BAZ1B: variants seen among roughly 807,000 people sequenced by gnomAD.
BAZ1B encodes tyrosine-protein kinase BAZ1B.
Under a neutral mutation model 153.8 loss-of-function variants are expected in BAZ1B, and 22 were observed. The ratio of observed to expected loss-of-function variants is 0.14; its 90% CI spans 0.10 to 0.20. The LOEUF (loss-of-function observed/expected upper bound fraction) is 0.20. Among genes scored for constraint, BAZ1B ranks in the 10% least tolerant of loss-of-function variants. BAZ1B has a pLI of 1.00. For missense variants in BAZ1B, 1,325 were observed against 1,799.3 expected, an observed-to-expected ratio of 0.74 and a Z score of 4.77; for synonymous variants, 676 against 633.4, an observed-to-expected ratio of 1.07 and a Z score of -1.01.
chr7:73,509,540 T>A (rs1790490640), intron 2 of BAZ1B, among the ~76,000 whole-genome samples: 1 of 151,024 alleles, frequency 6.6e-6, no homozygotes, highest in African/African-American at 2.4e-5. Context: ...GCCAACAGAG[T>A]GAGAACCTGC....
At chr7:73,505,875 G>C (rs528513277) in intron 3 of BAZ1B, among the ~76,000 whole-genome samples, 5 of 152,268 alleles carry the variant, frequency 3.3e-5, no homozygotes, top group African/African-American at 7.2e-5. Flanking sequence ...AGTAGCTTAA[G>C]TATCACACCA....
intron 1 of BAZ1B, among the ~76,000 whole-genome samples, chr7:73,517,395 G>A (rs1045204803): frequency 1.3e-5 from 2 of 152,038 alleles, no homozygotes; most frequent in African/African-American, 4.8e-5. Context: ...TCAGCAGGCT[G>A]AGTGGGAAGA....
In BAZ1B at chr7:73,492,806, T is replaced by C. The variant is rs1038734236; in HGVS notation, c.687A>G (p.Glu229=). The part of the protein sequence containing the change: ...PHKYDVKLQN[E]DKIISNVPAD... ...AAGTAAAGTGTCAACTAACCTTATCTTCATTTTGTAGTTTCACATCATATT... is the reference window on the plus strand; with the variant it reads ...AAGTAAAGTGTCAACTAACCTTATCCTCATTTTGTAGTTTCACATCATATT... Residue 229 remains glutamate, a synonymous_variant, in exon 5 of 20, where the codon GAA becomes GAG. Transcript: ENST00000339594. 1.2e-5 allele frequency: 19 copies of C among 1,603,330 alleles called. No individual in the cohort carries two copies. The highest frequency in any genetic ancestry group is 1.5e-5 in the Non-Finnish European group (18 of 1,176,618).
At chr7:73,505,301 CAG>C (rs1292253537) in intron 3 of BAZ1B, among the ~76,000 whole-genome samples, 5 of 152,232 alleles carry the variant, frequency 3.3e-5, no homozygotes, top group East Asian at 1.9e-4. Context: ...TTTCACAACT[CAG>C]GGGACAGCAA....
intron 6 of BAZ1B, among the ~76,000 whole-genome samples, chr7:73,481,824 TC>T: frequency 6.6e-6 from 1 of 152,014 alleles, no homozygotes; most frequent in Middle Eastern, 3.4e-3. Context: ...GATCACGAGG[TC>T]AAGAGATCGA....
At chr7:73,472,111 T>A (rs1436810185) in intron 7 of BAZ1B, among the ~76,000 whole-genome samples, 1 of 152,134 alleles carries the variant, frequency 6.6e-6, no homozygotes, top group Non-Finnish European at 1.5e-5. Flanking sequence ...AATAACAGAG[T>A]ATCATCTTCT....
intron 3 of BAZ1B, among the ~76,000 whole-genome samples, chr7:73,500,433 C>T (rs1195654001): frequency 3.3e-5 from 5 of 152,032 alleles, no homozygotes; most frequent in Admixed American, 6.6e-5. Flanking sequence ...ATTCCAGCTA[C>T]TAGGGAGGCT....
chr7:73,441,691 C>T lies in BAZ1B; in HGVS notation c.*18G>A, dbSNP rs1356881036. 2 of 157,812 alleles carry T rather than the reference C, an allele frequency of 1.3e-5. No individual in the cohort carries two copies. Among genetic ancestry groups the T allele is most frequent in the East Asian group, 3.7e-4 (2 of 5,338 alleles). The allele number at this position is 157,812 out of a possible 1,614,324, so 9.8% of individuals were successfully genotyped here. ...TCTGTATGGCACTCACTGATACTGT[C>T]ACCTGAGAGGAAGACGGGGGAAGAG... On this transcript the variant is annotated splice_region_variant and 3_prime_UTR_variant, in exon 20 of 20. Transcript: ENST00000339594.
chr7:73,471,517 G>A (rs1399232224), intron 7 of BAZ1B, among the ~76,000 whole-genome samples: 5 of 152,108 alleles, frequency 3.3e-5, no homozygotes, highest in African/African-American at 1.2e-4. Context: ...TTTAAGAAGT[G>A]TTTATTATTT....
At chr7:73,487,940 T>A (rs1789476379) in intron 6 of BAZ1B, among the ~76,000 whole-genome samples, 1 of 152,254 alleles carries the variant, frequency 6.6e-6, no homozygotes, top group South Asian at 2.1e-4. Context: ...AAACCATGAC[T>A]GGAGGTCTTT....
At chr7:73,469,023 G>T (rs766353487) in intron 9 of BAZ1B, among the ~76,000 whole-genome samples, 6 of 151,796 alleles carry the variant, frequency 4.0e-5, no homozygotes. Context: ...CCAGCTACTC[G>T]GGAGACTGAA....
intron 6 of BAZ1B, among the ~76,000 whole-genome samples, chr7:73,479,525 AAAG>A (rs1167484212): frequency 1.9e-4 from 29 of 151,558 alleles, no homozygotes; most frequent in African/African-American, 6.3e-4. Flanking sequence ...AAAAAAAAAA[AAAG>A]AACTCATTCC....
At chr7:73,517,589 G>A (rs1378788967) in intron 1 of BAZ1B, among the ~76,000 whole-genome samples, 1 of 152,162 alleles carries the variant, frequency 6.6e-6, no homozygotes, top group Non-Finnish European at 1.5e-5. Context: ...TGAGTCAGCT[G>A]CCTCTAAATC....
At chr7:73,475,911 G>C (rs181981038) in intron 7 of BAZ1B, among the ~76,000 whole-genome samples, 1 of 135,012 alleles carries the variant, frequency 7.4e-6, no homozygotes, top group African/African-American at 2.7e-5. Context: ...GTGACAGAGC[G>C]AGACTCCATC....
intron 11 of BAZ1B, among the ~76,000 whole-genome samples, 182 bp downstream of exon 11, chr7:73,465,257 G>T (rs921514252): frequency 6.6e-6 from 1 of 151,942 alleles, no homozygotes; most frequent in Non-Finnish European, 1.5e-5. Flanking sequence ...GATGGCCAAA[G>T]GTATATTTTT....
chr7:73,497,251 C>T (rs541549320), intron 4 of BAZ1B, among the ~76,000 whole-genome samples: 1 of 151,662 alleles, frequency 6.6e-6, no homozygotes, highest in Non-Finnish European at 1.5e-5. Context: ...TATGAAAAGC[C>T]AAAAAAGGAC....
Position 73,504,236 on chromosome 7 carries a change from T to C in BAZ1B, c.369+4091A>G, listed in dbSNP as rs1380290005. ...AAAGTATGTGATTAGAACCCACTAA[T>C]GGTCAGCCACAGTGATTCATGCCTG... On this transcript the variant is annotated intron_variant, in intron 3 of 19. Transcript: ENST00000339594. 6.6e-5 allele frequency among the ~76,000 whole-genome samples: 10 copies of C among 152,316 alleles called. No homozygotes were observed. In the East Asian group the frequency reaches 1.9e-3, roughly 29 times the overall value.
intron 13 of BAZ1B, 49 bp from the exon 14 acceptor site, chr7:73,451,043 C>G (rs561564670): frequency 6.3e-7 from 1 of 1,596,204 alleles, no homozygotes; most frequent in South Asian, 1.1e-5. Context: ...ACCAAAGACA[C>G]TGAGAGAGAA....
At chr7:73,459,389 T>G in intron 13 of BAZ1B, 147 bp downstream of exon 13, 1 of 640,756 alleles carries the variant, frequency 1.6e-6, no homozygotes, top group East Asian at 3.3e-5. Flanking sequence ...AGAAAGTGAT[T>G]AAAAAAAAAA....
Sources: gnomAD v4.1 joint callset for allele counts (sites outside exome capture counted in the v4.1 genomes callset) on GRCh38, gnomAD v4.1.1 for gene constraint, MANE v1.5 for transcripts, NCBI Gene and HGNC (gene_info 2026-07-23, HGNC 2026-07-21) for gene names.